Variants in NANS observed in about 807,000 individuals in gnomAD.
NANS encodes N-acetylneuraminate-9-phosphate synthase.
NANS carries 29 observed loss-of-function variants against 33.3 expected under a neutral mutation model. The ratio of observed to expected loss-of-function variants is 0.87; its 90% confidence interval spans 0.65 to 1.19. The LOEUF (loss-of-function observed/expected upper bound fraction) is 1.19. Among genes scored for constraint, NANS ranks in the 50% most tolerant of loss-of-function variants. The pLI, the probability that NANS is intolerant of heterozygous loss-of-function variation, is 0.00. For synonymous variants in NANS, 163 were observed against 177.2 expected, an observed-to-expected ratio of 0.92 and a Z score of 0.64; for missense variants, 394 against 461.1, an observed-to-expected ratio of 0.85 and a Z score of 1.33.
At chr9:98,070,899 C>T (rs1015861650) in intron 2 of NANS, among the ~76,000 whole-genome samples, 4 of 150,990 alleles carry the variant, frequency 2.6e-5, no homozygotes, top group Admixed American at 1.3e-4. Flanking sequence ...GCAGCCTTGA[C>T]GGCCCAGGCT....
chr9:98,079,065 G>A (rs1453442448), intron 4 of NANS, among the ~76,000 whole-genome samples: 1 of 151,894 alleles, frequency 6.6e-6, no homozygotes, highest in Non-Finnish European at 1.5e-5. Context: ...TAGTTATAGT[G>A]ACAGCCTTGA....
chr9:98,072,145 T>C lies in NANS; in HGVS notation c.349-4773T>C, dbSNP rs572129869. 8.9e-3 allele frequency among the ~76,000 whole-genome samples: 1,359 copies of C among 152,292 alleles called. 8 individuals carry two copies. The highest frequency in any genetic ancestry group is 0.016 in the South Asian group (75 of 4,826). On this transcript the variant is annotated intron_variant, in intron 2 of 5. Transcript: ENST00000210444. ...TGTGGCTTGGGCTCCTCATGTAACC[T>C]TGGAGCCGCAGTGGCCCCCGTCTGT...
chr9:98,076,627 G>C lies in NANS; in HGVS notation c.349-291G>C, dbSNP rs541914206. On this transcript the variant is annotated intron_variant, in intron 2 of 5. Coordinates refer to ENST00000210444, the MANE Select transcript of NANS (RefSeq NM_018946.4). ...TGACCTCAGGTGATCTGCCCGCCTC[G>C]GCCTCCCAAAGTGCAGGCATGAGCC... 9 of 335,508 alleles carry C rather than the reference G, an allele frequency of 2.7e-5. No individual in the cohort carries two copies. The East Asian group carries it at 7.7e-4, about 29-fold the overall frequency. The allele number at this position is 335,508 out of a possible 1,614,324, so 20.8% of individuals were successfully genotyped here. A position where few individuals can be genotyped will look rare whatever the true frequency, so the allele number is the denominator to read the frequency against.
At chr9:98,073,608 T>A (rs1459282825) in intron 2 of NANS, among the ~76,000 whole-genome samples, 3 of 149,402 alleles carry the variant, frequency 2.0e-5, no homozygotes, top group Non-Finnish European at 4.5e-5. Context: ...TTTTTTCCAA[T>A]CCTGAAGGAT....
intron 2 of NANS, chr9:98,075,972 TC>T (rs1425249086): frequency 6.6e-6 from 1 of 152,168 alleles, no homozygotes. Flanking sequence ...TTTACCAATT[TC>T]CTGAGTCTTG....
At chr9:98,066,162 G>A (rs1192245723) in intron 2 of NANS, among the ~76,000 whole-genome samples, 1 of 152,180 alleles carries the variant, frequency 6.6e-6, no homozygotes, top group East Asian at 1.9e-4. Context: ...TGTTATGTGT[G>A]CATTTCATTG....
intron 1 of NANS, among the ~76,000 whole-genome samples, chr9:98,058,794 C>G (rs957950643): frequency 6.6e-6 from 1 of 152,130 alleles, no homozygotes; most frequent in Non-Finnish European, 1.5e-5. Flanking sequence ...GTGGCTGCAG[C>G]CTTTAGGAAA....
chr9:98,080,215 AAAAG>A, intron 4 of NANS, among the ~76,000 whole-genome samples: 1 of 152,218 alleles, frequency 6.6e-6, no homozygotes, highest in Non-Finnish European at 1.5e-5. Context: ...CTCTGTTTCA[AAAAG>A]AAATAATAAA....
intron 2 of NANS, among the ~76,000 whole-genome samples, chr9:98,073,776 A>G (rs1361517298): frequency 2.0e-5 from 3 of 151,404 alleles, no homozygotes; most frequent in African/African-American, 7.3e-5. Flanking sequence ...CTCATTCATT[A>G]ATTGATTTAG....
At chr9:98,056,987 C>T (rs2131615324) in intron 1 of NANS, 47 bp downstream of exon 1, 3 of 1,514,176 alleles carry the variant, frequency 2.0e-6, no homozygotes, top group Non-Finnish European at 1.8e-6. Context: ...CCGGGAGGGG[C>T]GGGGCGGGGC....
At chr9:98,079,924 C>CCACCTGAGGCCAGACACCGTGG (rs1208550904) in intron 4 of NANS, among the ~76,000 whole-genome samples, 1 of 152,188 alleles carries the variant, frequency 6.6e-6, no homozygotes, top group East Asian at 1.9e-4. Context: ...TTGTTAAATC[C>CCACCTGAGGCCAGACACCGTGG]CACCTGAGGC....
chr9:98,074,233 T>G (rs1324903375), intron 2 of NANS, among the ~76,000 whole-genome samples: 1 of 152,224 alleles, frequency 6.6e-6, no homozygotes, highest in East Asian at 1.9e-4. Flanking sequence ...CATTTCTGCA[T>G]GTTGAACTCA....
chr9:98,081,860 G>T (rs1251869776), intron 5 of NANS: 1 of 152,126 alleles, frequency 6.6e-6, no homozygotes, highest in Admixed American at 6.6e-5. Context: ...TCTATACCAG[G>T]AAATTAAAAT....
rs920387701 is a variant in NANS, at chr9:98,056,913, A to G, written c.105A>G (p.Val35=). The change falls in exon 1 of 6, where the codon GTA becomes GTG. Residue 35 remains valine (V), a synonymous_variant. Coordinates refer to ENST00000210444, the MANE Select transcript of NANS (RefSeq NM_018946.4). The stretch of plus-strand genomic sequence containing the variant: ...AGAACCACCAGGGCGACCTGGACGT[A>G]GCCAAGCGCATGATCCGCATGGCCA... The part of the protein sequence containing the change: ...IGQNHQGDLD[V]AKRMIRMAKE... The G allele has an allele frequency of 2.5e-6, 4 of 1,608,746 alleles. No homozygotes were observed. Among genetic ancestry groups the G allele is most frequent in the Non-Finnish European group, 3.4e-6 (4 of 1,177,946 alleles).
intron 2 of NANS, among the ~76,000 whole-genome samples, chr9:98,068,114 A>C (rs1336525292): frequency 1.3e-5 from 2 of 151,724 alleles, no homozygotes; most frequent in African/African-American, 4.8e-5. Flanking sequence ...GTGTTTATCT[A>C]TTTATATGTT....
At chr9:98,061,550 G>A (rs1828980249) in intron 2 of NANS, among the ~76,000 whole-genome samples, 1 of 150,358 alleles carries the variant, frequency 6.7e-6, no homozygotes, top group South Asian at 2.1e-4. Flanking sequence ...GGGAGGCTGA[G>A]ACAGGCAGGT....
chr9:98,071,251 T>C (rs996051168), intron 2 of NANS, among the ~76,000 whole-genome samples: 1 of 152,244 alleles, frequency 6.6e-6, no homozygotes, highest in Non-Finnish European at 1.5e-5. Context: ...AGCTGTATGG[T>C]ACATACCCCC....
chr9:98,066,148 G>A (rs1362443193), intron 2 of NANS, among the ~76,000 whole-genome samples: 1 of 152,156 alleles, frequency 6.6e-6, no homozygotes, highest in Non-Finnish European at 1.5e-5. Context: ...ATAGTAAGGA[G>A]AAATGTTATG....
Position 98,080,959 on chromosome 9 carries a change from C to G in NANS, c.747C>G (p.Asp249Glu). 3 of 1,614,182 alleles carry G rather than the reference C, an allele frequency of 1.9e-6. No homozygotes were observed. The highest frequency in any genetic ancestry group is 2.5e-6 in the Non-Finnish European group (3 of 1,180,040). ...TGGACAAGACCTGGAAGGGGAGTGA[C>G]CACTCGGCCTCGCTGGAGCCTGGAG... is the stretch of plus-strand genomic sequence containing the variant. ...ITLDKTWKGSDHSASLEPGEL... is the reference protein window; with the variant it reads ...ITLDKTWKGSEHSASLEPGEL... The change falls in exon 5 of 6, where the codon GAC becomes GAG. Residue 249 changes from aspartate to glutamate, a missense_variant. By Grantham distance (45) the Asp-to-Glu change is conservative. Transcript: ENST00000210444.
Sources: allele counts gnomAD v4.1 joint callset (sites outside exome capture counted in the v4.1 genomes callset), GRCh38; gene constraint gnomAD v4.1.1; transcripts MANE v1.5; gene names NCBI Gene and HGNC (gene_info 2026-07-23, HGNC 2026-07-21).